The following RIOK1 variants were observed in gnomAD, a reference collection of about 807,000 sequenced individuals.
RIOK1 encodes the protein RIO kinase 1, also known as serine/threonine-protein kinase RIO1.
Under a neutral mutation model 73.5 loss-of-function variants are expected in RIOK1, and 66 were observed. The ratio of observed to expected loss-of-function variants is 0.90; its 90% CI spans 0.74 to 1.10. RIOK1 has a LOEUF of 1.10. RIOK1 is among the 50% of genes least tolerant of loss of function. The pLI is 0.00. For missense variants in RIOK1, 658 were observed against 699.8 expected (o/e 0.94, Z 0.67); for synonymous variants, 224 against 226.8 (o/e 0.99, Z 0.11).
Position 7,399,506 on chromosome 6 carries a change from T to C in RIOK1, c.480+766T>C, listed in dbSNP as rs1400403398. The stretch of plus-strand genomic sequence containing the variant: ...AAGTTTCAAAGACCCTAAATAACTT[T>C]AGGGTTATTTTTGGCAGGAAATTCT... On this transcript the variant is annotated intron_variant, in intron 5 of 16. Transcript: ENST00000379834. Among the ~76,000 whole-genome samples, 4 of 152,226 alleles carry C rather than the reference T, an allele frequency of 2.6e-5. No individual in the cohort carries two copies. In the East Asian group the frequency reaches 5.8e-4, roughly 22 times the overall value.
At chr6:7,401,513 C>T (rs531546176) in intron 6 of RIOK1, among the ~76,000 whole-genome samples, 26 of 151,978 alleles carry the variant, frequency 1.7e-4, no homozygotes, top group African/African-American at 6.3e-4. Context: ...GGTCTGCAGG[C>T]TCTTGAAAGG....
chr6:7,393,028 C>G, intron 1 of RIOK1, 71 bp from the exon 2 acceptor site: 4 of 1,410,576 alleles, frequency 2.8e-6, no homozygotes, highest in Non-Finnish European at 3.9e-6. Flanking sequence ...TATCTTACAT[C>G]ATAAATATGT....
At chr6:7,391,262 A>G (rs1761331545) in intron 1 of RIOK1, among the ~76,000 whole-genome samples, 1 of 152,190 alleles carries the variant, frequency 6.6e-6, no homozygotes, top group Admixed American at 6.5e-5. Flanking sequence ...GCATTGGTAA[A>G]TACCATCCTG....
chr6:7,398,957 C>G (rs1464720442), intron 5 of RIOK1, among the ~76,000 whole-genome samples: 1 of 152,164 alleles, frequency 6.6e-6, no homozygotes, highest in African/African-American at 2.4e-5. Flanking sequence ...AGTGGCCTTG[C>G]AGAGCCACCA....
chr6:7,390,013 G>A lies in RIOK1; in HGVS notation c.11G>A (p.Arg4Gln). The part of the protein sequence containing the change: MDY[R>Q]RLLMSRVVPG... Reference sequence around the variant, plus strand: ...CGGCGCTCTCCAGTCATGGACTACCGGCGGCTTCTCATGAGCCGGGTGGTC... The same window carrying A: ...CGGCGCTCTCCAGTCATGGACTACCAGCGGCTTCTCATGAGCCGGGTGGTC... Residue 4 changes from arginine to glutamine, a missense_variant, in exon 1 of 17, where the codon CGG becomes CAG. Coordinates refer to ENST00000379834, the MANE Select transcript of RIOK1 (RefSeq NM_031480.3). The A allele has an allele frequency of 1.3e-6, 2 of 1,553,422 alleles. No homozygotes were observed. Among genetic ancestry groups the A allele is most frequent in the Non-Finnish European group, 1.7e-6 (2 of 1,148,512 alleles).
intron 14 of RIOK1, 28 bp from the exon 15 acceptor site, chr6:7,412,861 A>AT (rs572016993): frequency 0.062 from 58,136 of 940,296 alleles, 27 homozygotes; most frequent in South Asian, 0.11. Context: ...GTTGATCCTT[A>AT]TTTTTTTTTT....
At chr6:7,404,324 A>T (rs1334293070) in intron 9 of RIOK1, 94 bp from the exon 10 acceptor site, 4 of 1,378,690 alleles carry the variant, frequency 2.9e-6, no homozygotes, top group Non-Finnish European at 4.0e-6. Flanking sequence ...TACAGCTCAC[A>T]TGATGAGTTG....
intron 12 of RIOK1, among the ~76,000 whole-genome samples, chr6:7,409,213 TTGTGTGTGTGTGTGTGTGTGTGTGTGTG>T (rs58234662): frequency 1.8e-4 from 16 of 88,234 alleles, no homozygotes; most frequent in East Asian, 6.9e-4. Context: ...TCCCGACTAA[TTGTGTGTGTGTGTGTGTGTGTGTGTGTG>T]TGTGTGTGTG....
chr6:7,393,198 T>C lies in RIOK1; in HGVS notation c.171T>C (p.Asp57=). Residue 57 remains aspartate, a synonymous_variant, in exon 2 of 17, where the codon GAT becomes GAC. Coordinates refer to ENST00000379834, the MANE Select transcript of RIOK1 (RefSeq NM_031480.3). ...AGAATGGTGAAGGTGAAATAGAAGA[T>C]GAGGAGGAGGAGGGTTATGACGATG... ...VNENGEGEIE[D]EEEEGYDDDD... is the part of the protein sequence containing the mutation. 1.9e-6 allele frequency: 3 copies of C among 1,611,360 alleles called. No individual in the cohort carries two copies. The highest frequency in any genetic ancestry group is 2.5e-6 in the Non-Finnish European group (3 of 1,177,642).
At position 7,404,761 on chromosome 6, in the gene RIOK1, A is replaced by G. The variant is rs191480424; in HGVS notation, c.993-157A>G. On this transcript the variant is annotated intron_variant, in intron 10 of 16. Coordinates refer to ENST00000379834, the MANE Select transcript of RIOK1 (RefSeq NM_031480.3). ...CATTAACAGTGAATGGATTTTGGAAATTTTCCCAGTTCCATCTGTTAGTCA... is the reference window on the plus strand; with the variant it reads ...CATTAACAGTGAATGGATTTTGGAAGTTTTCCCAGTTCCATCTGTTAGTCA... Among the ~76,000 whole-genome samples the G allele has an allele frequency of 5.4e-4, 82 of 152,298 alleles. 1 individual carries two copies. The highest frequency in any genetic ancestry group is 8.8e-5 in the Non-Finnish European group (6 of 68,026).
At position 7,400,944 on chromosome 6, in the gene RIOK1, G is replaced by C. The variant is rs761648563; in HGVS notation, c.481-14G>C. 1.9e-6 allele frequency: 3 copies of C among 1,545,050 alleles called. No homozygotes were observed. In the Admixed American group the frequency reaches 5.5e-5, roughly 29 times the overall value. ...CGTCTTTTGGAACTTTTTAATTTTT[G>C]CATTTCTTTTTAGGTGTTGGATCCC... On this transcript the variant is annotated splice_polypyrimidine_tract_variant and intron_variant, in intron 5 of 16. Transcript: ENST00000379834.
At position 7,401,051 on chromosome 6, in the gene RIOK1, G is replaced by A. The variant is rs1185125043; in HGVS notation, c.573+1G>A. 1.3e-6 allele frequency: 2 copies of A among 1,572,190 alleles called. No homozygotes were observed. The highest frequency in any genetic ancestry group is 1.7e-6 in the Non-Finnish European group (2 of 1,145,300). ...TGGCTGCATTAGCACAGGAAAAGAA[G>A]TGAGCTCTTCTTTGGATGATTGGAT... is the stretch of plus-strand genomic sequence containing the variant. On this transcript the variant is annotated splice_donor_variant, in intron 6 of 16. Transcript: ENST00000379834. LOFTEE classifies it high-confidence loss of function.
chr6:7,407,901 T>C (rs1232824083), intron 12 of RIOK1, among the ~76,000 whole-genome samples: 1 of 152,256 alleles, frequency 6.6e-6, no homozygotes, highest in Admixed American at 6.5e-5. Flanking sequence ...CTGTGACTTG[T>C]CTTTTCACTC....
intron 5 of RIOK1, 70 bp from the exon 6 acceptor site, chr6:7,400,888 G>T: frequency 1.2e-6 from 1 of 858,500 alleles, no homozygotes. Context: ...TTTATTGATT[G>T]TCACAGGTTT....
At chr6:7,404,333 T>C in intron 9 of RIOK1, 85 bp from the exon 10 acceptor site, 1 of 1,463,882 alleles carries the variant, frequency 6.8e-7, no homozygotes, top group Non-Finnish European at 9.4e-7. Context: ...CATGATGAGT[T>C]GTAGAAGAGA....
chr6:7,405,106 C>A, intron 11 of RIOK1, 85 bp downstream of exon 11: 1 of 1,262,012 alleles, frequency 7.9e-7, no homozygotes, highest in Non-Finnish European at 1.1e-6. Context: ...AAAATTTTCT[C>A]ACTAAATTGT....
At chr6:7,411,550 A>G (rs1761883492) in intron 14 of RIOK1, 99 bp downstream of exon 14, 2 of 1,284,970 alleles carry the variant, frequency 1.6e-6, no homozygotes, top group Non-Finnish European at 2.2e-6. Flanking sequence ...AATCTTGAAT[A>G]TTGGCTTCTG....
At chr6:7,398,590 A>G in intron 4 of RIOK1, 108 bp from the exon 5 acceptor site, 1 of 780,758 alleles carries the variant, frequency 1.3e-6, no homozygotes, top group Non-Finnish European at 2.2e-6. Context: ...TCTGTTATTT[A>G]GAGAAACTAC....
At chr6:7,399,588 G>C (rs1458096092) in intron 5 of RIOK1, among the ~76,000 whole-genome samples, 1 of 152,146 alleles carries the variant, frequency 6.6e-6, no homozygotes, top group Non-Finnish European at 1.5e-5. Flanking sequence ...GTCTTCAGCT[G>C]TCTATATAAA....
Sources: allele counts gnomAD v4.1 joint callset (sites outside exome capture counted in the v4.1 genomes callset), GRCh38; gene constraint gnomAD v4.1.1; transcripts MANE v1.5; gene names NCBI Gene and HGNC (gene_info 2026-07-23, HGNC 2026-07-21).